AUTS2: variants seen among roughly 807,000 people sequenced by gnomAD.
AUTS2 encodes activator of transcription and developmental regulator AUTS2.
AUTS2 carries 17 observed loss-of-function variants against 112.4 expected under a neutral mutation model. The ratio of observed to expected loss-of-function variants is 0.15; its 90% CI spans 0.10 to 0.23. The LOEUF (loss-of-function observed/expected upper bound fraction) is 0.23, where lower values mean the gene tolerates loss of function less well. Among genes scored for constraint, AUTS2 ranks in the 10% least tolerant of loss-of-function variants. The pLI is 1.00. For synonymous variants in AUTS2, 751 were observed against 702.7 expected (o/e 1.07, Z -1.09); for missense variants, 1,510 against 1,701.6 (o/e 0.89, Z 1.98).
intron 4 of AUTS2, among the ~76,000 whole-genome samples, chr7:70,238,116 G>A (rs1046670590): frequency 5.9e-5 from 9 of 152,208 alleles, no homozygotes; most frequent in Non-Finnish European, 1.2e-4. Flanking sequence ...TGGTAAGAGT[G>A]ATTAGAGGCC....
intron 5 of AUTS2, among the ~76,000 whole-genome samples, chr7:70,492,577 A>G (rs1798293299): frequency 6.6e-6 from 1 of 152,194 alleles, no homozygotes; most frequent in African/African-American, 2.4e-5. Context: ...TCTAGAAACA[A>G]AAGAGCTGAA....
intron 1 of AUTS2, among the ~76,000 whole-genome samples, chr7:69,621,677 T>G (rs897255020): frequency 1.3e-5 from 2 of 152,224 alleles, no homozygotes; most frequent in African/African-American, 4.8e-5. Context: ...GTGGATGAAC[T>G]ACATTAAAAT....
At chr7:70,691,177 A>C (rs997902886) in intron 5 of AUTS2, among the ~76,000 whole-genome samples, 1 of 152,214 alleles carries the variant, frequency 6.6e-6, no homozygotes, top group African/African-American at 2.4e-5. Context: ...TTCTGAAATC[A>C]TTAATCTAAC....
intron 4 of AUTS2, among the ~76,000 whole-genome samples, chr7:70,357,822 T>C (rs1472320144): frequency 6.6e-6 from 1 of 152,192 alleles, no homozygotes; most frequent in African/African-American, 2.4e-5. Flanking sequence ...TTTTGTGTGT[T>C]ATATGAAGGG....
chr7:70,079,146 C>G (rs887322725), intron 2 of AUTS2, among the ~76,000 whole-genome samples: 5 of 152,190 alleles, frequency 3.3e-5, no homozygotes, highest in Middle Eastern at 3.4e-3. Flanking sequence ...TTTATGTACC[C>G]CTTACACACT....
chr7:70,180,921 T>C (rs1261603196), intron 4 of AUTS2, among the ~76,000 whole-genome samples: 2 of 152,202 alleles, frequency 1.3e-5, no homozygotes, highest in Admixed American at 1.3e-4. Flanking sequence ...GGAAATGTAA[T>C]ATAATAGGCT....
At chr7:70,520,654 G>C (rs1334055564) in intron 5 of AUTS2, among the ~76,000 whole-genome samples, 2 of 152,108 alleles carry the variant, frequency 1.3e-5, no homozygotes, top group Admixed American at 1.3e-4. Flanking sequence ...AGATTATTTT[G>C]ACTTTTTAAA....
At chr7:69,923,755 A>C (rs1473672996) in intron 2 of AUTS2, among the ~76,000 whole-genome samples, 1 of 152,218 alleles carries the variant, frequency 6.6e-6, no homozygotes, top group Non-Finnish European at 1.5e-5. Context: ...CCAGTTCACT[A>C]TCAATATGTA....
intron 2 of AUTS2, among the ~76,000 whole-genome samples, chr7:70,111,125 C>T (rs1262251211): frequency 2.0e-5 from 3 of 151,912 alleles, no homozygotes; most frequent in African/African-American, 4.8e-5. Context: ...ATGATCCGCC[C>T]GCCTCGGCCT....
chr7:70,770,727 C>T (rs915956448), intron 10 of AUTS2, among the ~76,000 whole-genome samples: 1 of 152,152 alleles, frequency 6.6e-6, no homozygotes. Context: ...CTCCAAAGAG[C>T]TTGTTCATTT....
intron 2 of AUTS2, among the ~76,000 whole-genome samples, chr7:70,019,485 CTT>C (rs888852977): frequency 3.3e-5 from 5 of 152,274 alleles, no homozygotes; most frequent in Admixed American, 2.6e-4. Context: ...TTGTCCTTCT[CTT>C]TTTTATTGTA....
Position 69,963,161 on chromosome 7 carries a change from A to G in AUTS2, c.522+63663A>G, listed in dbSNP as rs1301212058. 3.3e-5 allele frequency among the ~76,000 whole-genome samples: 5 copies of G among 152,142 alleles called. No homozygotes were observed. The East Asian group carries it at 9.6e-4, about 29-fold the overall frequency. On this transcript the variant is annotated intron_variant, in intron 2 of 18. Coordinates refer to ENST00000342771, the MANE Select transcript of AUTS2 (RefSeq NM_015570.4). ...GGAGTTTATGCCAGGAAATGAAAATAAGTTGCTGCAGAAGCCTGTTTTGGT... is the reference window on the plus strand; with the variant it reads ...GGAGTTTATGCCAGGAAATGAAAATGAGTTGCTGCAGAAGCCTGTTTTGGT...
At chr7:70,408,856 T>G (rs2130392865) in intron 4 of AUTS2, among the ~76,000 whole-genome samples, 1 of 152,296 alleles carries the variant, frequency 6.6e-6, no homozygotes, top group African/African-American at 2.4e-5. Context: ...GCCTTCCTAT[T>G]TAAACATTTG....
At chr7:70,636,833 G>A (rs760050297) in intron 5 of AUTS2, among the ~76,000 whole-genome samples, 46 of 151,776 alleles carry the variant, frequency 3.0e-4, no homozygotes, top group Non-Finnish European at 6.0e-4. Context: ...TAAGAGATGG[G>A]GGTCTTGCTA....
intron 2 of AUTS2, among the ~76,000 whole-genome samples, chr7:70,081,924 T>C (rs1314495091): frequency 6.8e-6 from 1 of 147,926 alleles, no homozygotes; most frequent in Non-Finnish European, 1.5e-5. Context: ...ACGGTAGATT[T>C]TTCTGTGAAG....
intron 4 of AUTS2, among the ~76,000 whole-genome samples, chr7:70,211,388 G>C (rs1262392917): frequency 6.7e-6 from 1 of 149,518 alleles, no homozygotes; most frequent in African/African-American, 2.5e-5. Context: ...GGTGGTTCAC[G>C]CCTATAATCC....
At chr7:70,701,071 A>G (rs1318201422) in intron 6 of AUTS2, among the ~76,000 whole-genome samples, 1 of 152,234 alleles carries the variant, frequency 6.6e-6, no homozygotes, top group Non-Finnish European at 1.5e-5. Context: ...CCACCTCCAG[A>G]TGTTTAAGTT....
chr7:69,714,573 C>G (rs1369262087), intron 1 of AUTS2, among the ~76,000 whole-genome samples: 1 of 152,038 alleles, frequency 6.6e-6, no homozygotes, highest in Non-Finnish European at 1.5e-5. Flanking sequence ...GTGTGTCTGT[C>G]CCTTCCCAAA....
intron 2 of AUTS2, among the ~76,000 whole-genome samples, chr7:69,914,714 GT>G (rs1335634695): frequency 7.9e-5 from 12 of 151,758 alleles, no homozygotes; most frequent in African/African-American, 2.9e-4. Flanking sequence ...AGGAAAGTTG[GT>G]GGGAGTGAGG....
Sources: allele counts gnomAD v4.1 joint callset (sites outside exome capture counted in the v4.1 genomes callset), GRCh38; gene constraint gnomAD v4.1.1; transcripts MANE v1.5; gene names NCBI Gene and HGNC (gene_info 2026-07-23, HGNC 2026-07-21).